Variants in KRTAP10-2 observed in about 807,000 individuals in gnomAD.
The protein encoded by KRTAP10-2 is keratin-associated protein 10-2.
For missense variants in KRTAP10-2, 295 were observed against 319.5 expected (o/e 0.92, Z 0.58); for synonymous variants, 134 against 135.5 (o/e 0.99, Z 0.08).
rs782364167 is a variant in KRTAP10-2, at chr21:44,551,178, G to A, written c.281C>T (p.Pro94Leu). The change falls in exon 1 of 1, where the codon CCC becomes CTC. Residue 94 changes from proline to leucine, a missense_variant. Transcript: ENST00000391621. The part of the protein sequence containing the change: ...SCQPACCTSS[P>L]CQQACCVPVC... The stretch of plus-strand genomic sequence containing the variant: ...GGGCACGCAGCAGGCCTGCTGGCAG[G>A]GGGAGGAGGTGCAGCAAGCCGGCTG... 1.3e-5 allele frequency: 21 copies of A among 1,568,248 alleles called. No homozygotes were observed. The highest frequency in any genetic ancestry group is 1.6e-5 in the Non-Finnish European group (18 of 1,149,664).
At position 44,551,129 on chromosome 21, in the gene KRTAP10-2, A is replaced by G. The variant is rs2053420994; in HGVS notation, c.330T>C (p.Cys110=). The G allele has an allele frequency of 6.4e-7, 1 of 1,550,698 alleles. No homozygotes were observed. Among genetic ancestry groups the G allele is most frequent in the Non-Finnish European group, 8.8e-7 (1 of 1,139,250 alleles). The change falls in exon 1 of 1, where the codon TGT becomes TGC. Residue 110 remains cysteine, a synonymous_variant. Transcript: ENST00000391621. The part of the protein sequence containing the change: ...CVPVCCKPVC[C]VPVCCGASSC... The stretch of plus-strand genomic sequence containing the variant: ...AAGAAGCCCCACAGCAGACGGGCAC[A>G]CAGCACACAGGCTTGCAGCAGACGG...
chr21:44,550,987 A>ATC (rs1555918662), intron 1 of KRTAP10-2: 2 of 1,611,382 alleles, frequency 1.2e-6, no homozygotes, highest in South Asian at 1.1e-5. Flanking sequence ...GAAGAGGATG[A>ATC]CTCAGAGCAG....
rs782300607 is a variant in KRTAP10-2, at chr21:44,551,106, GAA to G, written n.126+272_126+273del. 97 of 1,546,506 alleles carry G rather than the reference GAA, an allele frequency of 6.3e-5. No individual in the cohort carries two copies. The African/African-American group carries it at 1.3e-3, about 20-fold the overall frequency. On this transcript the variant is annotated intron_variant and non_coding_transcript_variant, in intron 1 of 1. Transcript: ENST00000498210. The stretch of plus-strand genomic sequence containing the variant: ...GCAGCTAGACTGCTGGCAGCATGAA[GAA>G]GCCCCACAGCAGACGGGCACACAGC...
Position 44,550,845 on chromosome 21 carries a change from G to T in KRTAP10-2, c.614C>A (p.Ala205Asp). Residue 205 changes from alanine to aspartate, a missense_variant, in exon 1 of 1, where the codon GCT (alanine) becomes GAT (aspartate). Physicochemically the swap from Ala to Asp is moderately radical, Grantham distance 126. Coordinates refer to ENST00000391621, the MANE Select transcript of KRTAP10-2 (RefSeq NM_198693.4). ...SICCVPVCSG[A>D]SSPCCQQSSC... ...AGACTGCTGGCAGCACGGAGAGGAA[G>T]CCCCAGAGCAAACAGGTACACAGCA... 1 of 1,530,302 alleles carries T rather than the reference G, an allele frequency of 6.5e-7. No homozygotes were observed. The highest frequency in any genetic ancestry group is 8.9e-7 in the Non-Finnish European group (1 of 1,127,828). The allele number at this position is 1,530,302 out of a possible 1,614,324, so 94.8% of individuals were successfully genotyped here.
chr21:44,551,280 G>T lies in KRTAP10-2; in HGVS notation c.179C>A (p.Ala60Glu), dbSNP rs587750879. The T allele has an allele frequency of 2.7e-5, 44 of 1,613,556 alleles. 1 individual carries two copies. In the East Asian group the frequency reaches 4.5e-4, roughly 16 times the overall value. ...TTGGCAGGCGCTGGGCTCACAGGCC[G>T]CCTGGCAGCAGGGGCTGGACACACA... Reference protein sequence around the residue: ...VSCVSSPCCQAACEPSACQSG... With the variant: ...VSCVSSPCCQEACEPSACQSG... The change falls in exon 1 of 1, where the codon GCG (alanine) becomes GAG (glutamate). Residue 60 changes from alanine to glutamate, a missense_variant. Physicochemically the swap from Ala to Glu is moderately radical, Grantham distance 107. Transcript: ENST00000391621.
At chr21:44,551,033 CA>C in intron 1 of KRTAP10-2, 1 of 1,611,756 alleles carries the variant, frequency 6.2e-7, no homozygotes, top group Non-Finnish European at 8.5e-7. Flanking sequence ...AGCAGACAGG[CA>C]CACGGCAGGA....
Position 44,551,468 on chromosome 21 carries a change from G to A in KRTAP10-2, c.-10C>T, listed in dbSNP as rs1340587137. The A allele has an allele frequency of 6.2e-7, 1 of 1,600,798 alleles. No homozygotes were observed. Among genetic ancestry groups the A allele is most frequent in the Non-Finnish European group, 8.5e-7 (1 of 1,174,058 alleles). On this transcript the variant is annotated 5_prime_UTR_variant, in exon 1 of 1. Coordinates refer to ENST00000391621, the MANE Select transcript of KRTAP10-2 (RefSeq NM_198693.4). ...TGGTGGAGGCGGCCATGCTGGAGTG[G>A]GGAGGAGGTGAGCTGGGGGAGGTGT...
In KRTAP10-2 at chr21:44,550,788, CAGG is replaced by C. The variant is rs782818433; in HGVS notation, c.668_670del (p.Ser223del). On this transcript the variant is annotated inframe_deletion, in exon 1 of 1. Transcript: ENST00000391621. ...GGACACAGAGGAGGAGGGTCTGCAG[CAGG>C]AGGAGGTGCAGCAAGCTGGCTGGCA... 3 of 1,614,176 alleles carry C rather than the reference CAGG, an allele frequency of 1.9e-6. No homozygotes were observed. Among genetic ancestry groups the C allele is most frequent in the African/African-American group, 1.3e-5 (1 of 75,044 alleles).
chr21:44,551,250 C>T lies in KRTAP10-2; in HGVS notation c.209G>A (p.Gly70Asp). ...AACEPSACQS[G>D]CTSSCTPSCC... Reference sequence around the variant, plus strand: ...CGAGGGCGTGCAGGAGCTGGTGCAGCCTGATTGGCAGGCGCTGGGCTCACA... The same window carrying T: ...CGAGGGCGTGCAGGAGCTGGTGCAGTCTGATTGGCAGGCGCTGGGCTCACA... The change falls in exon 1 of 1, where the codon GGC (glycine) becomes GAC (aspartate). Residue 70 changes from glycine (G) to aspartate (D), a missense_variant. Coordinates refer to ENST00000391621, the MANE Select transcript of KRTAP10-2 (RefSeq NM_198693.4). 1 of 1,613,888 alleles carries T rather than the reference C, an allele frequency of 6.2e-7. No homozygotes were observed. Among genetic ancestry groups the T allele is most frequent in the Non-Finnish European group, 8.5e-7 (1 of 1,179,946 alleles).
chr21:44,551,148 C>T lies in KRTAP10-2; in HGVS notation c.311G>A (p.Cys104Tyr). Residue 104 changes from cysteine to tyrosine, a missense_variant, in exon 1 of 1, where the codon TGC becomes TAC. Transcript: ENST00000391621. ...GGGCACACAGCACACAGGCTTGCAG[C>T]AGACGGGCACGCAGCAGGCCTGCTG... ...PCQQACCVPV[C>Y]CKPVCCVPVC... 6.4e-7 allele frequency: 1 copy of T among 1,559,332 alleles called. No homozygotes were observed. The highest frequency in any genetic ancestry group is 8.8e-7 in the Non-Finnish European group (1 of 1,141,612).
chr21:44,551,472 G>C lies in KRTAP10-2; in HGVS notation c.-14C>G, dbSNP rs2053435637. The C allele has an allele frequency of 1.9e-6, 3 of 1,598,980 alleles. No homozygotes were observed. In the East Asian group the frequency reaches 6.7e-5, roughly 36 times the overall value. On this transcript the variant is annotated 5_prime_UTR_variant, in exon 1 of 1. Coordinates refer to ENST00000391621, the MANE Select transcript of KRTAP10-2 (RefSeq NM_198693.4). Reference sequence around the variant, plus strand: ...GGAGGCGGCCATGCTGGAGTGGGGAGGAGGTGAGCTGGGGGAGGTGTGTGA... The same window carrying C: ...GGAGGCGGCCATGCTGGAGTGGGGACGAGGTGAGCTGGGGGAGGTGTGTGA...
chr21:44,551,437 T>C lies in KRTAP10-2; in HGVS notation c.22A>G (p.Ile8Val), dbSNP rs587764265. 5 of 1,612,162 alleles carry C rather than the reference T, an allele frequency of 3.1e-6. No homozygotes were observed. The highest frequency in any genetic ancestry group is 4.5e-5 in the East Asian group (2 of 44,834). Reference protein sequence around the residue: MAASTMSICSSACTNSWQ... With the variant: MAASTMSVCSSACTNSWQ... The stretch of plus-strand genomic sequence containing the variant: ...GAGTTGGTGCAGGCGCTGGAGCAGA[T>C]GGACATGGTGGAGGCGGCCATGCTG... The change falls in exon 1 of 1, where the codon ATC (isoleucine) becomes GTC (valine). Residue 8 changes from isoleucine to valine, a missense_variant. Coordinates refer to ENST00000391621, the MANE Select transcript of KRTAP10-2 (RefSeq NM_198693.4).
Position 44,551,480 on chromosome 21 carries a change from G to A in KRTAP10-2, c.-22C>T, listed in dbSNP as rs2053436019. The A allele has an allele frequency of 6.3e-7, 1 of 1,591,162 alleles. No homozygotes were observed. Among genetic ancestry groups the A allele is most frequent in the Non-Finnish European group, 8.6e-7 (1 of 1,169,184 alleles). ...CCATGCTGGAGTGGGGAGGAGGTGA[G>A]CTGGGGGAGGTGTGTGAGTGAGTGA... On this transcript the variant is annotated 5_prime_UTR_variant, in exon 1 of 1. Coordinates refer to ENST00000391621, the MANE Select transcript of KRTAP10-2 (RefSeq NM_198693.4).
At position 44,551,124 on chromosome 21, in the gene KRTAP10-2, G is replaced by T; in HGVS notation, c.335C>A (p.Pro112His). Residue 112 changes from proline (P) to histidine (H), a missense_variant, in exon 1 of 1, where the codon CCC becomes CAC. Physicochemically the swap from Pro to His is moderately conservative, Grantham distance 77. Transcript: ENST00000391621. ...PVCCKPVCCV[P>H]VCCGASSCCQ... Reference sequence around the variant, plus strand: ...GCATGAAGAAGCCCCACAGCAGACGGGCACACAGCACACAGGCTTGCAGCA... The same window carrying T: ...GCATGAAGAAGCCCCACAGCAGACGTGCACACAGCACACAGGCTTGCAGCA... 3 of 1,562,570 alleles carry T rather than the reference G, an allele frequency of 1.9e-6. No individual in the cohort carries two copies. The highest frequency in any genetic ancestry group is 2.6e-6 in the Non-Finnish European group (3 of 1,143,172).
chr21:44,551,354 G>T lies in KRTAP10-2; in HGVS notation c.105C>A (p.Ser35Arg). The T allele has an allele frequency of 1.9e-6, 3 of 1,613,190 alleles. No homozygotes were observed. The highest frequency in any genetic ancestry group is 2.5e-6 in the Non-Finnish European group (3 of 1,179,950). The change falls in exon 1 of 1, where the codon AGC becomes AGA. Residue 35 changes from serine (S) to arginine (R), a missense_variant. Ser to Arg is a moderately radical substitution (Grantham distance 110). Coordinates refer to ENST00000391621, the MANE Select transcript of KRTAP10-2 (RefSeq NM_198693.4). ...TCAGGCAGGGGGCTGGGGCACAGCA[G>T]CTGGGGGTGCCGCAGGGGAGCTCAC... ...SCCELPCGTP[S>R]CCAPAPCLTL...
rs1555918847 is a variant in KRTAP10-2 at position 44,551,313 on chromosome 21, G to C, written c.146C>G (p.Pro49Arg). Residue 49 changes from proline (P) to arginine (R), a missense_variant, in exon 1 of 1, where the codon CCA becomes CGA. By Grantham distance (103) the Pro-to-Arg change is moderately radical. Coordinates refer to ENST00000391621, the MANE Select transcript of KRTAP10-2 (RefSeq NM_198693.4). ...GCAGGGGCTGGACACACAGCTCACT[G>C]GGGTGCAGACCAGGGTCAGGCAGGG... ...PAPCLTLVCTPVSCVSSPCCQ... is the reference protein window; with the variant it reads ...PAPCLTLVCTRVSCVSSPCCQ... 6.2e-7 allele frequency: 1 copy of C among 1,613,378 alleles called. No individual in the cohort carries two copies. Among genetic ancestry groups the C allele is most frequent in the Admixed American group, 1.7e-5 (1 of 60,012 alleles).
chr21:44,550,713 G>A lies in KRTAP10-2; in HGVS notation c.746C>T (p.Ser249Leu), dbSNP rs1555918484. 1.2e-6 allele frequency: 2 copies of A among 1,614,030 alleles called. No individual in the cohort carries two copies. The highest frequency in any genetic ancestry group is 1.7e-6 in the Non-Finnish European group (2 of 1,180,006). The change falls in exon 1 of 1, where the codon TCA becomes TTA. Residue 249 changes from serine (S) to leucine (L), a missense_variant. Physicochemically the swap from Ser to Leu is moderately radical, Grantham distance 145. Coordinates refer to ENST00000391621, the MANE Select transcript of KRTAP10-2 (RefSeq NM_198693.4). Reference sequence around the variant, plus strand: ...CCATCAGCAGCTAGACTTTTGGCCTGAGGAAAAGCTGCAGGAGGCTGGGCG... The same window carrying A: ...CCATCAGCAGCTAGACTTTTGGCCTAAGGAAAAGCTGCAGGAGGCTGGGCG... The part of the protein sequence containing the change: ...CSRPASCSFS[S>L]GQKSSC
rs782138371 is a variant in KRTAP10-2 at position 44,551,181 on chromosome 21, G to A, written c.278C>T (p.Ser93Phe). ...SSCQPACCTSSPCQQACCVPV... is the reference protein window; with the variant it reads ...SSCQPACCTSFPCQQACCVPV... ...CACGCAGCAGGCCTGCTGGCAGGGG[G>A]AGGAGGTGCAGCAAGCCGGCTGGCA... Residue 93 changes from serine (S) to phenylalanine (F), a missense_variant, in exon 1 of 1, where the codon TCC becomes TTC. Physicochemically the swap from Ser to Phe is radical, Grantham distance 155. Coordinates refer to ENST00000391621, the MANE Select transcript of KRTAP10-2 (RefSeq NM_198693.4). 10 of 1,597,498 alleles carry A rather than the reference G, an allele frequency of 6.3e-6. No homozygotes were observed. Among genetic ancestry groups the A allele is most frequent in the Non-Finnish European group, 1.7e-6 (2 of 1,167,018 alleles).
rs781922416 is a variant in KRTAP10-2, at chr21:44,551,318, G to A, written c.141C>T (p.Cys47=). ...GGCTGGACACACAGCTCACTGGGGT[G>A]CAGACCAGGGTCAGGCAGGGGGCTG... ...CAPAPCLTLV[C]TPVSCVSSPC... Residue 47 remains cysteine (C), a synonymous_variant, in exon 1 of 1, where the codon TGC becomes TGT. Transcript: ENST00000391621. 3.1e-6 allele frequency: 5 copies of A among 1,613,202 alleles called. No homozygotes were observed. The highest frequency in any genetic ancestry group is 2.7e-5 in the African/African-American group (2 of 74,926).
Sources: allele counts gnomAD v4.1 joint callset, GRCh38; gene constraint gnomAD v4.1.1; transcripts MANE v1.5; gene names NCBI Gene and HGNC (gene_info 2026-07-23, HGNC 2026-07-21).